HTR4: variants seen among roughly 807,000 people sequenced by gnomAD.
HTR4 encodes the protein 5-hydroxytryptamine receptor 4.
In HTR4, 16 loss-of-function variants were observed where a neutral mutation model predicts 36.8. That is an observed-to-expected ratio of 0.43 (90% CI 0.29 to 0.66). HTR4 has a LOEUF of 0.66. Ranked by LOEUF, HTR4 falls within the 30% of genes least tolerant of loss-of-function variation. The probability of loss-of-function intolerance (pLI) is 0.13; values close to 1 mark genes in which losing one functional copy is unlikely to be tolerated. For missense variants in HTR4, 438 were observed against 490.9 expected (o/e 0.89, Z 1.02); for synonymous variants, 189 against 185.1 (o/e 1.02, Z -0.17).
chr5:148,509,404 C>T, intron 6 of HTR4, 52 bp downstream of exon 6: 1 of 1,363,790 alleles, frequency 7.3e-7, no homozygotes. Flanking sequence ...AGCATTACCC[C>T]TTCTGAGTAA....
intron 6 of HTR4, chr5:148,490,748 G>C: frequency 7.9e-7 from 1 of 1,264,678 alleles, no homozygotes; most frequent in Non-Finnish European, 1.0e-6. Flanking sequence ...ATTCCATTTT[G>C]TGCTGAAATA....
intron 2 of HTR4, among the ~76,000 whole-genome samples, chr5:148,634,247 C>A (rs1480120220): frequency 6.6e-6 from 1 of 152,140 alleles, no homozygotes; most frequent in African/African-American, 2.4e-5. Flanking sequence ...CAGTCTCCTG[C>A]CATCCTGTTC....
intron 5 of HTR4, among the ~76,000 whole-genome samples, chr5:148,522,861 G>C (rs1356352036): frequency 6.6e-6 from 1 of 152,098 alleles, no homozygotes; most frequent in Non-Finnish European, 1.5e-5. Context: ...ATGGTGGAGG[G>C]TGAAGAACCT....
At chr5:148,526,456 T>G (rs180682530) in intron 4 of HTR4, among the ~76,000 whole-genome samples, 1 of 152,138 alleles carries the variant, frequency 6.6e-6, no homozygotes, top group Non-Finnish European at 1.5e-5. Flanking sequence ...ATCAATATAA[T>G]TTTTGAGGTT....
intron 2 of HTR4, among the ~76,000 whole-genome samples, chr5:148,609,622 G>T (rs2127278363): frequency 6.7e-6 from 1 of 150,200 alleles, no homozygotes; most frequent in Middle Eastern, 3.4e-3. Context: ...CTGGAGTGCA[G>T]TGGCGCGATC....
rs1760896729 is a variant in HTR4, at chr5:148,576,119, A to AAAAAAAAC, written c.27-25858_27-25857insGTTTTTTT. Among the ~76,000 whole-genome samples, 3 of 135,662 alleles carry AAAAAAAAC rather than the reference A, an allele frequency of 2.2e-5. 1 individual carries two copies. The highest frequency in any genetic ancestry group is 4.8e-4 in the South Asian group (2 of 4,206). The allele number at this position is 135,662 out of a possible 152,430, so 89.0% of individuals were successfully genotyped here. ...GAGCGAGACTCCGTCTCAAAAAAAA[A>AAAAAAAAC]AAAAAAAAAAAAAACAAAATCAATG... On this transcript the variant is annotated intron_variant, in intron 2 of 6. Coordinates refer to ENST00000377888, the MANE Select transcript of HTR4 (RefSeq NM_000870.7).
At chr5:148,564,397 A>T (rs1360955362) in intron 2 of HTR4, among the ~76,000 whole-genome samples, 1 of 152,114 alleles carries the variant, frequency 6.6e-6, no homozygotes, top group Non-Finnish European at 1.5e-5. Flanking sequence ...AGCTTTTATC[A>T]CCCTATATTT....
chr5:148,647,710 G>A (rs770927516), intron 1 of HTR4, among the ~76,000 whole-genome samples: 2 of 152,170 alleles, frequency 1.3e-5, no homozygotes, highest in Admixed American at 6.5e-5. Flanking sequence ...TTAGCTGGGC[G>A]TGGTGTTGCA....
chr5:148,532,309 G>A (rs1432919), intron 4 of HTR4, among the ~76,000 whole-genome samples: 22,884 of 152,046 alleles, frequency 0.15, 3,054 homozygotes, highest in African/African-American at 0.35. Context: ...TGGGAAAACC[G>A]TCCCCCAACT....
chr5:148,501,219 T>C (rs1301025372), intron 6 of HTR4, among the ~76,000 whole-genome samples: 1 of 152,164 alleles, frequency 6.6e-6, no homozygotes, highest in Non-Finnish European at 1.5e-5. Flanking sequence ...ATCTTCAAAA[T>C]GTATTGTTAA....
intron 2 of HTR4, among the ~76,000 whole-genome samples, chr5:148,565,773 T>C (rs1760408923): frequency 6.6e-6 from 1 of 152,048 alleles, no homozygotes. Context: ...CAGACTGAAG[T>C]TCAGATTCTC....
At chr5:148,614,172 A>G (rs1407998249) in intron 2 of HTR4, among the ~76,000 whole-genome samples, 2 of 152,172 alleles carry the variant, frequency 1.3e-5, no homozygotes, top group East Asian at 3.8e-4. Flanking sequence ...ACAGAATTGG[A>G]AAAAACTACT....
At chr5:148,593,459 T>C (rs1223755398) in intron 2 of HTR4, among the ~76,000 whole-genome samples, 1 of 152,202 alleles carries the variant, frequency 6.6e-6, no homozygotes, top group East Asian at 1.9e-4. Flanking sequence ...AGCATCATCA[T>C]TAATGTCTCA....
At chr5:148,455,946 G>A (rs990871496) in intron 5 of HTR4, among the ~76,000 whole-genome samples, 1 of 152,060 alleles carries the variant, frequency 6.6e-6, no homozygotes, top group Non-Finnish European at 1.5e-5. Context: ...GAAGAGGGGG[G>A]TTGGTCTTCC....
intron 5 of HTR4, chr5:148,520,931 A>G: frequency 7.3e-7 from 1 of 1,367,830 alleles, no homozygotes. Flanking sequence ...CCGCATGAAA[A>G]TCCTGGCCCA....
At chr5:148,496,664 T>C (rs2113745544) in intron 6 of HTR4, among the ~76,000 whole-genome samples, 1 of 152,330 alleles carries the variant, frequency 6.6e-6, no homozygotes, top group South Asian at 2.1e-4. Context: ...GCTCTAGAGC[T>C]GCCCAAACTT....
At chr5:148,547,551 T>TAAAATAAAAA (rs1759443587) in intron 4 of HTR4, among the ~76,000 whole-genome samples, 1 of 105,238 alleles carries the variant, frequency 9.5e-6, no homozygotes, top group Admixed American at 9.6e-5. Context: ...TAAAATAAAA[T>TAAAATAAAAA]AAAATAAAAT....
intron 2 of HTR4, among the ~76,000 whole-genome samples, chr5:148,588,761 T>C (rs989496703): frequency 1.1e-4 from 17 of 151,190 alleles, no homozygotes; most frequent in South Asian, 4.2e-4. Flanking sequence ...AGGATGGTCT[T>C]GATCTCCTGA....
At chr5:148,625,150 C>T (rs956051257) in intron 2 of HTR4, among the ~76,000 whole-genome samples, 1 of 152,026 alleles carries the variant, frequency 6.6e-6, no homozygotes, top group Non-Finnish European at 1.5e-5. Context: ...GAAAGATGGC[C>T]AGTCGTCTGG....
Sources: gnomAD v4.1 joint callset for allele counts (sites outside exome capture counted in the v4.1 genomes callset) on GRCh38, gnomAD v4.1.1 for gene constraint, MANE v1.5 for transcripts, NCBI Gene and HGNC (gene_info 2026-07-23, HGNC 2026-07-21) for gene names.